The following NAA35 variants were observed in gnomAD, a reference collection of about 807,000 sequenced individuals.
NAA35 encodes the protein N-alpha-acetyltransferase 35, NatC auxiliary subunit.
A neutral mutation model predicts 101.7 loss-of-function variants in NAA35; 18 were observed. The observed-to-expected ratio is 0.18, with a 90% CI of 0.12 to 0.26. The LOEUF is 0.26. Among genes scored for constraint, NAA35 ranks in the 10% least tolerant of loss-of-function variants. The probability of loss-of-function intolerance (pLI) is 1.00; values close to 1 mark genes in which losing one functional copy is unlikely to be tolerated. For missense variants in NAA35, 601 were observed against 886.8 expected, an observed-to-expected ratio of 0.68 and a Z score of 4.09; for synonymous variants, 267 against 273.1, an observed-to-expected ratio of 0.98 and a Z score of 0.22.
chr9:85,960,252 G>C (rs1587574704), intron 5 of NAA35, among the ~76,000 whole-genome samples: 1 of 152,134 alleles, frequency 6.6e-6, no homozygotes, highest in East Asian at 1.9e-4. Flanking sequence ...AGGATAAATT[G>C]TAGTAAACTG....
chr9:85,966,611 G>A, intron 6 of NAA35: 13 of 1,295,088 alleles, frequency 1.0e-5, no homozygotes, highest in Non-Finnish European at 1.3e-5. Context: ...GCGGCTCCTA[G>A]AACTGATTGA....
At chr9:86,002,078 C>T (rs1163052556) in intron 12 of NAA35, among the ~76,000 whole-genome samples, 2 of 152,090 alleles carry the variant, frequency 1.3e-5, no homozygotes, top group African/African-American at 2.4e-5. Context: ...TGAAGTCCCT[C>T]AACATTTGCT....
Position 85,977,346 on chromosome 9 carries a change from C to G in NAA35, c.679-17C>G, listed in dbSNP as rs1316407363. 3 of 1,589,938 alleles carry G rather than the reference C, an allele frequency of 1.9e-6. No homozygotes were observed. The Admixed American group carries it at 5.0e-5, about 27-fold the overall frequency. On this transcript the variant is annotated splice_polypyrimidine_tract_variant and intron_variant, in intron 9 of 22. Transcript: ENST00000361671. The stretch of plus-strand genomic sequence containing the variant: ...GCTTTGCATCTTTTAACTTTTAGTC[C>G]TTTCTTGTTTTTTTAGCACCAACAA...
At chr9:86,020,707 G>A (rs146058188) in intron 21 of NAA35, among the ~76,000 whole-genome samples, 182 bp from the exon 22 acceptor site, 1 of 152,252 alleles carries the variant, frequency 6.6e-6, no homozygotes, top group Non-Finnish European at 1.5e-5. Context: ...GCTGGGTGTG[G>A]TGGTGCACAG....
chr9:85,942,699 A>C (rs1828577595), intron 2 of NAA35, among the ~76,000 whole-genome samples: 1 of 152,108 alleles, frequency 6.6e-6, no homozygotes, highest in Non-Finnish European at 1.5e-5. Context: ...TGGGTCTATA[A>C]AATCTGGTCC....
chr9:86,019,606 GA>G (rs1404491229), intron 21 of NAA35, among the ~76,000 whole-genome samples: 1 of 151,996 alleles, frequency 6.6e-6, no homozygotes, highest in East Asian at 1.9e-4. Flanking sequence ...AATAAACTTG[GA>G]AAAAAATTGT....
At chr9:86,006,642 G>A (rs1465292123) in intron 13 of NAA35, among the ~76,000 whole-genome samples, 2 of 152,268 alleles carry the variant, frequency 1.3e-5, no homozygotes, top group East Asian at 1.9e-4. Context: ...GTTTGGGGCG[G>A]GAGGAGCGTT....
At chr9:85,991,989 G>A (rs1025347409) in intron 11 of NAA35, among the ~76,000 whole-genome samples, 4 of 151,776 alleles carry the variant, frequency 2.6e-5, no homozygotes, top group East Asian at 1.9e-4. Context: ...CCTGGCTAAC[G>A]CGGTGAAACC....
Position 85,942,206 on chromosome 9 carries a change from T to C in NAA35, c.47T>C (p.Leu16Pro). The C allele has an allele frequency of 6.2e-7, 1 of 1,614,128 alleles. No individual in the cohort carries two copies. The highest frequency in any genetic ancestry group is 8.5e-7 in the Non-Finnish European group (1 of 1,180,006). Residue 16 changes from leucine to proline, a missense_variant, in exon 2 of 23, where the codon CTC becomes CCC. This residue lies in a region of NAA35 where 67 missense variants were observed against 62.4 expected (regional missense o/e 1.07). Transcript: ENST00000361671. Reference protein sequence around the residue: ...SVDDDDSGWELSMPEKMEKSN... With the variant: ...SVDDDDSGWEPSMPEKMEKSN... ...GATGATGACGATTCAGGATGGGAGC[T>C]CAGTATGCCAGAAAAAATGGAGAAA...
At chr9:85,987,626 T>G (rs917737371) in intron 11 of NAA35, among the ~76,000 whole-genome samples, 1 of 152,194 alleles carries the variant, frequency 6.6e-6, no homozygotes, top group Non-Finnish European at 1.5e-5. Flanking sequence ...ATTTCTAGTT[T>G]GGGGATGGTA....
chr9:85,986,487 C>T (rs1349478630), intron 11 of NAA35: 5 of 469,066 alleles, frequency 1.1e-5, no homozygotes, highest in African/African-American at 1.0e-4. Flanking sequence ...CTGACATCTT[C>T]TAGAGATGGA....
intron 15 of NAA35, among the ~76,000 whole-genome samples, chr9:86,012,804 A>T (rs1353406339): frequency 1.3e-5 from 2 of 152,206 alleles, no homozygotes; most frequent in African/African-American, 4.8e-5. Flanking sequence ...AGATCGAAGG[A>T]AGCTATTTTT....
At chr9:85,978,212 G>A (rs1009183853) in intron 10 of NAA35, 55 bp from the exon 11 acceptor site, 29 of 1,028,694 alleles carry the variant, frequency 2.8e-5, no homozygotes, top group Non-Finnish European at 3.8e-5. Flanking sequence ...CCTATTTAAT[G>A]TATATCTTTC....
intron 5 of NAA35, 69 bp from the exon 6 acceptor site, chr9:85,961,944 C>G: frequency 1.5e-6 from 2 of 1,307,606 alleles, no homozygotes; most frequent in Non-Finnish European, 2.1e-6. Flanking sequence ...GCCTTTGACT[C>G]TAGGATCAAT....
chr9:85,998,945 G>A (rs1383649662), intron 12 of NAA35, among the ~76,000 whole-genome samples: 1 of 152,154 alleles, frequency 6.6e-6, no homozygotes, highest in Non-Finnish European at 1.5e-5. Flanking sequence ...CCAGCATTTA[G>A]CAGCAGTCTC....
intron 12 of NAA35, among the ~76,000 whole-genome samples, chr9:86,000,591 G>C (rs1270792169): frequency 4.0e-5 from 6 of 151,876 alleles, no homozygotes; most frequent in Non-Finnish European, 5.9e-5. Flanking sequence ...TTATTGGTCT[G>C]TTCAGGGAAT....
intron 19 of NAA35, 22 bp from the exon 20 acceptor site, chr9:86,018,233 T>C (rs1564330088): frequency 1.3e-6 from 2 of 1,596,428 alleles, no homozygotes; most frequent in Non-Finnish European, 1.7e-6. Flanking sequence ...TCATCTTTTT[T>C]CTTATTCCCT....
chr9:85,963,818 G>T (rs1057194661), intron 6 of NAA35, among the ~76,000 whole-genome samples: 1 of 152,174 alleles, frequency 6.6e-6, no homozygotes, highest in Non-Finnish European at 1.5e-5. Flanking sequence ...TGAACAAGGT[G>T]ATTAGCACCC....
chr9:86,007,048 T>G (rs1831676136), intron 13 of NAA35, among the ~76,000 whole-genome samples: 1 of 152,194 alleles, frequency 6.6e-6, no homozygotes, highest in Non-Finnish European at 1.5e-5. Flanking sequence ...ATTTCATAGT[T>G]TATGAAGCAT....
Sources: gnomAD v4.1 joint callset for allele counts (sites outside exome capture counted in the v4.1 genomes callset) on GRCh38, gnomAD v4.1.1 for gene constraint, gnomAD v4.1.1 regional missense constraint, MANE v1.5 for transcripts, NCBI Gene and HGNC (gene_info 2026-07-23, HGNC 2026-07-21) for gene names.